Variants in LAMA2 observed in about 807,000 individuals in gnomAD.
LAMA2 encodes the protein laminin subunit alpha-2.
LAMA2 carries 269 observed loss-of-function variants against 364.8 expected under a neutral mutation model. The ratio of observed to expected loss-of-function variants is 0.74; its 90% CI spans 0.67 to 0.82. The LOEUF (loss-of-function observed/expected upper bound fraction) is 0.82, where lower values mean the gene tolerates loss of function less well. Among genes scored for constraint, LAMA2 ranks in the 40% least tolerant of loss-of-function variants. The pLI, the probability that LAMA2 is intolerant of heterozygous loss-of-function variation, is 0.00. For synonymous variants in LAMA2, 1,379 were observed against 1,370.6 expected (o/e 1.01, Z -0.14); for missense variants, 3,807 against 3,873.2 (o/e 0.98, Z 0.45).
At chr6:129,227,884 G>A (rs573487250) in intron 12 of LAMA2, among the ~76,000 whole-genome samples, 48 of 152,298 alleles carry the variant, frequency 3.2e-4, no homozygotes, top group African/African-American at 1.1e-3. Flanking sequence ...AGTCTGCAGA[G>A]GTTTCTGCTG....
chr6:129,295,051 C>A (rs1358685561), intron 20 of LAMA2, among the ~76,000 whole-genome samples: 1 of 152,040 alleles, frequency 6.6e-6, no homozygotes, highest in African/African-American at 2.4e-5. Context: ...ACTATTTTTT[C>A]CTCTGCAGCA....
intron 58 of LAMA2, among the ~76,000 whole-genome samples, chr6:129,495,097 T>C (rs917100156): frequency 6.6e-6 from 1 of 152,234 alleles, no homozygotes; most frequent in African/African-American, 2.4e-5. Context: ...CAGCCTTTGC[T>C]TGAACATTTC....
At chr6:129,251,030 GTCTCTCTCTTTC>G (rs1266931886) in intron 13 of LAMA2, among the ~76,000 whole-genome samples, 3 of 67,532 alleles carry the variant, frequency 4.4e-5, no homozygotes, top group Admixed American at 1.5e-4. Context: ...CTCTCTCTCT[GTCTCTCTCTTTC>G]TCTCTCTCTC....
In LAMA2 at chr6:129,177,968, T is replaced by C. The variant is rs991388772; in HGVS notation, c.1467+102T>C. 2.6e-6 allele frequency: 3 copies of C among 1,175,464 alleles called. No individual in the cohort carries two copies. The African/African-American group carries it at 4.6e-5, about 18-fold the overall frequency. 72.8% of individuals were successfully genotyped at this position (1,175,464 alleles called of 1,614,324 possible). On this transcript the variant is annotated intron_variant, in intron 10 of 64. Transcript: ENST00000421865. ...GGCATTAAGCAATTTTAATGACTTC[T>C]GGAAGTATCCATAATCTATTCTACG...
At chr6:129,191,359 T>C (rs560372258) in intron 11 of LAMA2, among the ~76,000 whole-genome samples, 1 of 152,354 alleles carries the variant, frequency 6.6e-6, no homozygotes, top group African/African-American at 2.4e-5. Flanking sequence ...TTATGAAATA[T>C]TATCTATACG....
chr6:129,294,346 G>C (rs1411618354), intron 20 of LAMA2, among the ~76,000 whole-genome samples: 1 of 152,162 alleles, frequency 6.6e-6, no homozygotes, highest in Non-Finnish European at 1.5e-5. Flanking sequence ...CATAGACTAA[G>C]TGGCATGTAA....
At chr6:129,041,197 G>A (rs1483552269) in intron 1 of LAMA2, among the ~76,000 whole-genome samples, 3 of 152,170 alleles carry the variant, frequency 2.0e-5, no homozygotes, top group Non-Finnish European at 4.4e-5. Flanking sequence ...GAAGCCTAAG[G>A]AAGCAGCCTT....
chr6:129,423,965 C>T (rs1397183347), intron 40 of LAMA2, among the ~76,000 whole-genome samples: 1 of 151,990 alleles, frequency 6.6e-6, no homozygotes, highest in African/African-American at 2.4e-5. Flanking sequence ...GGTTATACTA[C>T]CTGACTTCAA....
At chr6:129,343,358 G>T (rs1451397453) in intron 30 of LAMA2, among the ~76,000 whole-genome samples, 2 of 152,134 alleles carry the variant, frequency 1.3e-5, no homozygotes, top group African/African-American at 4.8e-5. Flanking sequence ...TCGGCTTTGT[G>T]TGCATTCTGA....
intron 12 of LAMA2, among the ~76,000 whole-genome samples, chr6:129,215,273 C>A (rs1435463863): frequency 6.6e-6 from 1 of 152,082 alleles, no homozygotes; most frequent in Non-Finnish European, 1.5e-5. Flanking sequence ...TGCTTACAGT[C>A]TAAAAGACTA....
At chr6:128,990,247 T>A (rs1025429733) in intron 1 of LAMA2, among the ~76,000 whole-genome samples, 2 of 152,210 alleles carry the variant, frequency 1.3e-5, no homozygotes, top group Non-Finnish European at 2.9e-5. Context: ...AGAATATTAC[T>A]CTCTTTTGTA....
intron 14 of LAMA2, among the ~76,000 whole-genome samples, chr6:129,258,536 A>G (rs545263405): frequency 5.3e-5 from 8 of 151,654 alleles, no homozygotes; most frequent in Admixed American, 4.6e-4. Context: ...ATGACTGCCT[A>G]ATGGATTCTG....
intron 1 of LAMA2, among the ~76,000 whole-genome samples, chr6:128,907,709 T>A (rs1777584164): frequency 6.6e-6 from 1 of 152,182 alleles, no homozygotes; most frequent in African/African-American, 2.4e-5. Flanking sequence ...CCCTGTCTTG[T>A]GCCAGTTTTC....
At chr6:129,094,301 G>T (rs775527503) in intron 3 of LAMA2, among the ~76,000 whole-genome samples, 4 of 152,154 alleles carry the variant, frequency 2.6e-5, no homozygotes, top group Non-Finnish European at 5.9e-5. Context: ...AATTAATTTT[G>T]CATGGAATGT....
chr6:128,883,416 C>A, intron 1 of LAMA2, 59 bp downstream of exon 1: 1 of 1,544,894 alleles, frequency 6.5e-7, no homozygotes. Context: ...TTCCTCACTT[C>A]TTCCACTCTT....
intron 14 of LAMA2, among the ~76,000 whole-genome samples, chr6:129,256,986 T>G (rs1786738602): frequency 6.6e-6 from 1 of 151,612 alleles, no homozygotes; most frequent in Admixed American, 6.6e-5. Context: ...AGTTCCAATA[T>G]TATTCATAGT....
At chr6:129,033,824 C>A (rs1786408398) in intron 1 of LAMA2, among the ~76,000 whole-genome samples, 7 of 151,824 alleles carry the variant, frequency 4.6e-5, no homozygotes, top group Admixed American at 4.6e-4. Context: ...TTCTCTCCAA[C>A]TGCCACCCCC....
intron 30 of LAMA2, among the ~76,000 whole-genome samples, chr6:129,343,930 A>G (rs1237472100): frequency 1.3e-5 from 2 of 152,330 alleles, no homozygotes; most frequent in Non-Finnish European, 1.5e-5. Context: ...CTTACAAAAT[A>G]CAAGGCATGT....
At chr6:129,312,197 T>G (rs1008852918) in intron 22 of LAMA2, among the ~76,000 whole-genome samples, 2 of 150,362 alleles carry the variant, frequency 1.3e-5, no homozygotes. Context: ...CTAGCAAAAA[T>G]ATGAATTATG....
Sources: gnomAD v4.1 joint callset for allele counts (sites outside exome capture counted in the v4.1 genomes callset) on GRCh38, gnomAD v4.1.1 for gene constraint, MANE v1.5 for transcripts, NCBI Gene and HGNC (gene_info 2026-07-23, HGNC 2026-07-21) for gene names.